Variants in RNF6 observed in about 807,000 individuals in gnomAD.
RNF6 encodes E3 ubiquitin-protein ligase RNF6.
In RNF6, 21 loss-of-function variants were observed where a neutral mutation model predicts 50.1. That is an observed-to-expected ratio of 0.42 (90% CI 0.30 to 0.60). The LOEUF is 0.60. RNF6 is among the 20% of genes least tolerant of loss of function. The probability of loss-of-function intolerance (pLI) is 0.20; values close to 1 mark genes in which losing one functional copy is unlikely to be tolerated. For synonymous variants in RNF6, 255 were observed against 291.8 expected (o/e 0.87, Z 1.29); for missense variants, 698 against 838.2 (o/e 0.83, Z 2.07).
At chr13:26,219,943 T>C (rs1298753205) in intron 2 of RNF6, among the ~76,000 whole-genome samples, 1 of 152,190 alleles carries the variant, frequency 6.6e-6, no homozygotes, top group Non-Finnish European at 1.5e-5. Flanking sequence ...ATAGTGATTA[T>C]CTCATTTTTG....
chr13:26,198,062 C>T (rs1394025029), intron 5 of RNF6, among the ~76,000 whole-genome samples: 3 of 151,020 alleles, frequency 2.0e-5, no homozygotes, highest in African/African-American at 7.4e-5. Flanking sequence ...TACATACATA[C>T]ATACATATGT....
chr13:26,163,032 C>T (rs377205489), intron 5 of RNF6, among the ~76,000 whole-genome samples: 3 of 152,184 alleles, frequency 2.0e-5, no homozygotes, highest in East Asian at 1.9e-4. Flanking sequence ...AACTTGTGGC[C>T]GGGCGCGGTG....
At chr13:26,168,063 G>A (rs1872533001) in intron 5 of RNF6, among the ~76,000 whole-genome samples, 1 of 152,178 alleles carries the variant, frequency 6.6e-6, no homozygotes, top group African/African-American at 2.4e-5. Flanking sequence ...AGGGTGGGAG[G>A]AGGGAGAGGA....
At chr13:26,148,959 A>G (rs893394279) in intron 5 of RNF6, among the ~76,000 whole-genome samples, 2 of 151,888 alleles carry the variant, frequency 1.3e-5, no homozygotes, top group African/African-American at 4.8e-5. Context: ...GGGAATGGCC[A>G]GCTTTTTTTA....
intron 5 of RNF6, among the ~76,000 whole-genome samples, chr13:26,184,102 C>T (rs1453114912): frequency 1.3e-4 from 19 of 143,998 alleles, no homozygotes; most frequent in Admixed American, 2.2e-4. Context: ...TCTCGGCTCA[C>T]TGCAAGCTCC....
At chr13:26,196,404 A>G (rs1254655505) in intron 5 of RNF6, among the ~76,000 whole-genome samples, 2 of 152,196 alleles carry the variant, frequency 1.3e-5, no homozygotes, top group African/African-American at 2.4e-5. Context: ...TAATCCCAGC[A>G]CTTTGGGAGG....
intron 5 of RNF6, among the ~76,000 whole-genome samples, chr13:26,145,605 T>C (rs974276020): frequency 1.3e-5 from 2 of 152,206 alleles, no homozygotes; most frequent in Non-Finnish European, 2.9e-5. Context: ...TCCACCATGA[T>C]TGTAAGTTTC....
At chr13:26,186,303 C>G (rs1189461939) in intron 5 of RNF6, among the ~76,000 whole-genome samples, 1 of 152,240 alleles carries the variant, frequency 6.6e-6, no homozygotes, top group Non-Finnish European at 1.5e-5. Context: ...GACGCCAGGG[C>G]GCGTGGAGCT....
intron 4 of RNF6, among the ~76,000 whole-genome samples, chr13:26,217,521 C>A (rs1038274564): frequency 1.3e-5 from 2 of 152,252 alleles, no homozygotes; most frequent in East Asian, 3.8e-4. Context: ...ATCCTACTCT[C>A]ACGCTAGTGC....
chr13:26,211,059 T>C (rs1869301228), downstream of RNF6, among the ~76,000 whole-genome samples: 1 of 152,228 alleles, frequency 6.6e-6, no homozygotes, highest in African/African-American at 2.4e-5. Flanking sequence ...TTCTCTATAT[T>C]GGAACCACAA....
intron 5 of RNF6, among the ~76,000 whole-genome samples, chr13:26,171,468 T>C (rs1872693878): frequency 6.6e-6 from 1 of 152,198 alleles, no homozygotes; most frequent in East Asian, 1.9e-4. Context: ...ATAGTGCAGC[T>C]TCTGTGTAAA....
chr13:26,220,007 G>A (rs557034053), intron 2 of RNF6, among the ~76,000 whole-genome samples: 1 of 152,274 alleles, frequency 6.6e-6, no homozygotes, highest in South Asian at 2.1e-4. Flanking sequence ...TATGTTTCAG[G>A]ATCTGGGTAC....
intron 5 of RNF6, among the ~76,000 whole-genome samples, chr13:26,195,144 G>A (rs535657933): frequency 6.6e-6 from 1 of 152,262 alleles, no homozygotes; most frequent in South Asian, 2.1e-4. Flanking sequence ...AAACAACTAT[G>A]ATTAATGGAT....
intron 5 of RNF6, among the ~76,000 whole-genome samples, chr13:26,139,573 T>A (rs898450812): frequency 1.3e-5 from 2 of 152,186 alleles, no homozygotes; most frequent in African/African-American, 4.8e-5. Flanking sequence ...AGCTTGTCAA[T>A]ATCCACCAAA....
At chr13:26,160,869 T>C (rs536326025) in intron 5 of RNF6, among the ~76,000 whole-genome samples, 37 of 152,296 alleles carry the variant, frequency 2.4e-4, no homozygotes, top group African/African-American at 8.9e-4. Flanking sequence ...GCATGCATGC[T>C]CCTGGTGTCT....
chr13:26,189,357 G>A lies in RNF6; in HGVS notation n.768+26117C>T, dbSNP rs144139496. 4.5e-3 allele frequency among the ~76,000 whole-genome samples: 684 copies of A among 152,172 alleles called. 3 individuals are homozygous for A. Among genetic ancestry groups the A allele is most frequent in the South Asian group, 0.011 (52 of 4,830 alleles). On this transcript the variant is annotated intron_variant and non_coding_transcript_variant, in intron 5 of 5. Coordinates refer to the RNF6 transcript ENST00000468480. ...AAAACGCTTCCTATTGTAATAGATC[G>A]TTGGATGAAAATATGCCACCTTGCC... is the stretch of plus-strand genomic sequence containing the variant.
intron 5 of RNF6, among the ~76,000 whole-genome samples, chr13:26,180,138 G>T (rs936165193): frequency 2.0e-5 from 3 of 152,136 alleles, no homozygotes; most frequent in Non-Finnish European, 2.9e-5. Flanking sequence ...CGCCATCTTG[G>T]CTAGTGAGCC....
intron 5 of RNF6, among the ~76,000 whole-genome samples, chr13:26,196,007 CAG>C (rs1868644476): frequency 6.6e-6 from 1 of 151,976 alleles, no homozygotes; most frequent in South Asian, 2.1e-4. Flanking sequence ...AAAAGAAAAA[CAG>C]AAATAGACTG....
At chr13:26,137,915 A>G (rs1029662675) in intron 5 of RNF6, among the ~76,000 whole-genome samples, 8 of 152,142 alleles carry the variant, frequency 5.3e-5, no homozygotes, top group African/African-American at 1.9e-4. Flanking sequence ...AAGGAGGAAG[A>G]CACATGAAGA....
Sources: allele counts gnomAD v4.1 joint callset (sites outside exome capture counted in the v4.1 genomes callset), GRCh38; gene constraint gnomAD v4.1.1; transcripts MANE v1.5; gene names NCBI Gene and HGNC (gene_info 2026-07-23, HGNC 2026-07-21).